The following SHISA9 variants were observed in gnomAD, a reference collection of about 807,000 sequenced individuals.
SHISA9 encodes shisa family member 9.
A neutral mutation model predicts 38.0 loss-of-function variants in SHISA9; 13 were observed. The ratio of observed to expected loss-of-function variants is 0.34; its 90% CI spans 0.22 to 0.54. The LOEUF is 0.54. Ranked by LOEUF, SHISA9 falls within the 20% of genes least tolerant of loss-of-function variation. The pLI is 0.91. For missense variants in SHISA9, 538 were observed against 575.8 expected, an observed-to-expected ratio of 0.93 and a Z score of 0.67; for synonymous variants, 275 against 242.0, an observed-to-expected ratio of 1.14 and a Z score of -1.27.
intron 1 of SHISA9, chr16:12,909,876 A>C (rs546917798): frequency 1.0e-5 from 1 of 98,396 alleles, no homozygotes; most frequent in Non-Finnish European, 2.2e-5. Flanking sequence ...CCTTCCTTCG[A>C]GACACAGTCG....
chr16:13,469,205 G>T, the SHISA9 span, among the ~76,000 whole-genome samples: 1 of 150,072 alleles, frequency 6.7e-6, no homozygotes, highest in East Asian at 2.0e-4. Context: ...TCATGCCACT[G>T]CACTCCAACC....
At chr16:13,056,157 C>T (rs1261625297) in intron 2 of SHISA9, among the ~76,000 whole-genome samples, 1 of 152,100 alleles carries the variant, frequency 6.6e-6, no homozygotes, top group Non-Finnish European at 1.5e-5. Flanking sequence ...GATATAGGGG[C>T]CATGCGCTTA....
the SHISA9 span, among the ~76,000 whole-genome samples, chr16:13,503,098 C>A: frequency 6.6e-6 from 1 of 152,066 alleles, no homozygotes; most frequent in African/African-American, 2.4e-5. Context: ...TGAATAAAAA[C>A]CTGCCATGCT....
At chr16:12,902,735 C>A in intron 1 of SHISA9, 108 bp downstream of exon 1, 1 of 1,165,200 alleles carries the variant, frequency 8.6e-7, no homozygotes, top group Non-Finnish European at 1.2e-6. Context: ...CTCCCCGCAT[C>A]CCAGCCTCTC....
chr16:13,374,162 T>A, the SHISA9 span, among the ~76,000 whole-genome samples: 1 of 152,164 alleles, frequency 6.6e-6, no homozygotes, highest in Non-Finnish European at 1.5e-5. Context: ...TTTTGTATTT[T>A]TTTTTCTTTT....
the SHISA9 span, among the ~76,000 whole-genome samples, chr16:13,283,405 G>A: frequency 5.3e-4 from 80 of 152,138 alleles, 1 homozygote; most frequent in East Asian, 0.013. Flanking sequence ...CCAAGACTGC[G>A]TAATTCTAAA....
chr16:12,937,087 C>A (rs1245842939), intron 2 of SHISA9, among the ~76,000 whole-genome samples: 1 of 152,150 alleles, frequency 6.6e-6, no homozygotes, highest in Non-Finnish European at 1.5e-5. Context: ...ACAAGCCCAC[C>A]TATGTGCATA....
the SHISA9 span, among the ~76,000 whole-genome samples, chr16:13,304,870 A>G: frequency 1.2e-4 from 18 of 152,134 alleles, no homozygotes; most frequent in African/African-American, 3.1e-4. Context: ...CCTATTTTCT[A>G]TGAGGGGCAT....
At chr16:12,997,460 G>A (rs1460388608) in intron 2 of SHISA9, among the ~76,000 whole-genome samples, 2 of 148,824 alleles carry the variant, frequency 1.3e-5, no homozygotes, top group African/African-American at 5.0e-5. Flanking sequence ...AAGGTGGAGT[G>A]CAATGGTGCG....
chr16:13,492,797 C>T, the SHISA9 span, among the ~76,000 whole-genome samples: 9 of 152,136 alleles, frequency 5.9e-5, no homozygotes, highest in African/African-American at 1.7e-4. Flanking sequence ...TGGCAGGAGA[C>T]ATTTAAGCTG....
chr16:13,424,441 C>A, the SHISA9 span, among the ~76,000 whole-genome samples: 525 of 152,340 alleles, frequency 3.4e-3, 4 homozygotes, highest in Middle Eastern at 0.024. Context: ...GGCATCAGCC[C>A]TCCAAGGCAA....
At chr16:13,012,363 A>G (rs887586088) in intron 2 of SHISA9, among the ~76,000 whole-genome samples, 8 of 152,152 alleles carry the variant, frequency 5.3e-5, no homozygotes, top group African/African-American at 1.9e-4. Context: ...GGAATCAGCC[A>G]GGGAATATTT....
At chr16:13,314,033 A>G in the SHISA9 span, among the ~76,000 whole-genome samples, 1 of 147,068 alleles carries the variant, frequency 6.8e-6, no homozygotes, top group African/African-American at 2.5e-5. Flanking sequence ...TGCTCTGCTA[A>G]CAATAAGCTG....
At chr16:13,199,580 C>T (rs1290569565) in intron 2 of SHISA9, among the ~76,000 whole-genome samples, 10 of 152,226 alleles carry the variant, frequency 6.6e-5, no homozygotes, top group Non-Finnish European at 5.9e-5. Flanking sequence ...CAGCTGCTTT[C>T]CTGTGGGTGT....
At chr16:13,154,883 GGTTGTTTCTGCCTCCCCAA>G (rs1301979437) in intron 2 of SHISA9, among the ~76,000 whole-genome samples, 4 of 152,176 alleles carry the variant, frequency 2.6e-5, no homozygotes, top group Non-Finnish European at 4.4e-5. Flanking sequence ...GTTTTGTCAG[GGTTGTTTCTGCCTCCCCAA>G]GAAGCCTGCA....
At chr16:13,242,960 G>T (rs139206147), downstream of SHISA9, among the ~76,000 whole-genome samples, 1 of 152,226 alleles carries the variant, frequency 6.6e-6, no homozygotes, top group East Asian at 1.9e-4. Flanking sequence ...TATTTTGCCG[G>T]CCAGGCACGG....
In SHISA9 at chr16:13,191,958, G is replaced by C. The variant is rs184528280; in HGVS notation, c.692-11436G>C. Reference sequence around the variant, plus strand: ...GGAACCAATGAAGTGGAAGGAGTGAGGGTTGGAAACTGTTGATGTGCTCAT... The same window carrying C: ...GGAACCAATGAAGTGGAAGGAGTGACGGTTGGAAACTGTTGATGTGCTCAT... On this transcript the variant is annotated intron_variant, in intron 2 of 4. Transcript: ENST00000558583. 2.1e-3 allele frequency among the ~76,000 whole-genome samples: 318 copies of C among 152,280 alleles called. 1 individual carries two copies. Among genetic ancestry groups the C allele is most frequent in the African/African-American group, 7.1e-3 (295 of 41,558 alleles).
At chr16:13,318,235 T>C in the SHISA9 span, among the ~76,000 whole-genome samples, 2 of 152,232 alleles carry the variant, frequency 1.3e-5, no homozygotes, top group African/African-American at 2.4e-5. Flanking sequence ...CTGTGCATTG[T>C]AGGATGTTTA....
At chr16:13,400,929 T>G in the SHISA9 span, among the ~76,000 whole-genome samples, 1 of 152,168 alleles carries the variant, frequency 6.6e-6, no homozygotes, top group Admixed American at 6.5e-5. Flanking sequence ...ACCCTGGCAT[T>G]ATGAATGAAA....
Sources: allele counts gnomAD v4.1 joint callset (sites outside exome capture counted in the v4.1 genomes callset), GRCh38; gene constraint gnomAD v4.1.1; transcripts MANE v1.5; gene names NCBI Gene and HGNC (gene_info 2026-07-23, HGNC 2026-07-21).